Variants in PARP6 observed in about 807,000 individuals in gnomAD.
PARP6 encodes the protein poly(ADP-ribose) polymerase family member 6.
PARP6 carries 27 observed loss-of-function variants against 92.0 expected under a neutral mutation model. That is an observed-to-expected ratio of 0.29 (90% CI 0.22 to 0.40). The LOEUF is 0.40. Ranked by LOEUF, PARP6 falls within the 10% of genes least tolerant of loss-of-function variation. The pLI, the probability that PARP6 is intolerant of heterozygous loss-of-function variation, is 1.00. For synonymous variants in PARP6, 272 were observed against 281.2 expected, an observed-to-expected ratio of 0.97 and a Z score of 0.33; for missense variants, 501 against 784.5, an observed-to-expected ratio of 0.64 and a Z score of 4.32.
At chr15:72,244,532 T>G (rs2083390367) in intron 20 of PARP6, 2 of 152,222 alleles carry the variant, frequency 1.3e-5, no homozygotes, top group Non-Finnish European at 2.9e-5. Context: ...GCCAAGTCAC[T>G]GGAACTAGAT....
rs2084188883 is a variant in PARP6, at chr15:72,250,375, GA to G, written c.1419-284del. ...AGTATTTTTATTTGCCCATTATCCT[GA>G]CATTTCAAATTCAATAAATTCATCT... On this transcript the variant is annotated intron_variant, in intron 18 of 23. Transcript: ENST00000569795. 4.2e-5 allele frequency: 16 copies of G among 377,070 alleles called. No individual in the cohort carries two copies. The South Asian group carries it at 5.8e-4, about 14-fold the overall frequency. 23.4% of individuals were successfully genotyped at this position (377,070 alleles called of 1,614,324 possible). A position where few individuals can be genotyped will look rare whatever the true frequency, so the allele number is the denominator to read the frequency against.
At position 72,250,137 on chromosome 15, in the gene PARP6, C is replaced by T. The variant is rs201200607; in HGVS notation, c.1419-45G>A. On this transcript the variant is annotated intron_variant, in intron 18 of 23. Coordinates refer to ENST00000569795, the MANE Select transcript of PARP6 (RefSeq NM_001323532.2). ...ACATGTCTCCTTATGATATGAGGTT[C>T]CCAGGAACACTCCCAAGACTGCCAT... The T allele has an allele frequency of 1.8e-4, 218 of 1,224,510 alleles. No homozygotes were observed. The African/African-American group carries it at 3.0e-3, about 17-fold the overall frequency. 75.9% of individuals were successfully genotyped at this position (1,224,510 alleles called of 1,614,324 possible).
rs2083101725 is a variant in PARP6, at chr15:72,241,923, C to T, written c.1768G>A (p.Val590Ile). The change falls in exon 23 of 24, where the codon GTC (valine) becomes ATC (isoleucine). Residue 590 changes from valine (V) to isoleucine (I), a missense_variant. By Grantham distance (29) the Val-to-Ile change is conservative. Around this residue, in one of 4 missense-constraint regions of PARP6, gnomAD observed 191 missense variants for 399.1 expected, o/e 0.48. Coordinates refer to ENST00000569795, the MANE Select transcript of PARP6 (RefSeq NM_001323532.2). This position sits in a 1 kb window ranked among gnomAD's most constrained non-coding sequence, Gnocchi z 4.1. The stretch of plus-strand genomic sequence containing the variant: ...TACACAAAGAAGAATCTTGTGCAGA[C>T]ATGGTCGGACACAGGGCACACCCAG... ...NIWVCPVSDH[V>I]CTRFFFVYED... 6.2e-7 allele frequency: 1 copy of T among 1,613,446 alleles called. No individual in the cohort carries two copies. The highest frequency in any genetic ancestry group is 2.2e-5 in the East Asian group (1 of 44,880).
intron 14 of PARP6, 135 bp downstream of exon 14, chr15:72,256,330 G>A (rs1479426179): frequency 1.6e-6 from 1 of 635,498 alleles, no homozygotes; most frequent in African/African-American, 1.9e-5. Flanking sequence ...TTTATTTACT[G>A]AAACAGCTAA....
At chr15:72,252,220 T>C (rs1239044959) in intron 16 of PARP6, among the ~76,000 whole-genome samples, 2 of 152,250 alleles carry the variant, frequency 1.3e-5, no homozygotes, top group East Asian at 3.9e-4. Flanking sequence ...GGCAAGGGGA[T>C]AGCAGGAGGA....
Position 72,257,336 on chromosome 15 carries a change from C to G in PARP6, c.999+12G>C. Reference sequence around the variant, plus strand: ...GATCCCAATTCCCCAGCCACGTTTCCCTCCCCCATACCTCTGCTCCAGTGG... The same window carrying G: ...GATCCCAATTCCCCAGCCACGTTTCGCTCCCCCATACCTCTGCTCCAGTGG... On this transcript the variant is annotated intron_variant, in intron 13 of 23. Transcript: ENST00000569795. 6.3e-7 allele frequency: 1 copy of G among 1,596,896 alleles called. No individual in the cohort carries two copies. The highest frequency in any genetic ancestry group is 8.6e-7 in the Non-Finnish European group (1 of 1,164,394).
chr15:72,254,709 CAG>C (rs781652957), intron 14 of PARP6, among the ~76,000 whole-genome samples, 189 bp from the exon 15 acceptor site: 6 of 152,316 alleles, frequency 3.9e-5, no homozygotes, highest in Non-Finnish European at 5.9e-5. Context: ...CTGGGAGTAA[CAG>C]GGTAAGTTAT....
intron 20 of PARP6, among the ~76,000 whole-genome samples, chr15:72,248,930 A>C (rs1280595422): frequency 6.6e-6 from 1 of 152,246 alleles, no homozygotes; most frequent in Non-Finnish European, 1.5e-5. Context: ...ACACAAACAC[A>C]ATCTATAATT....
Position 72,242,939 on chromosome 15 carries a change from A to G in PARP6, c.1562-240T>C. The G allele has an allele frequency of 2.1e-6, 1 of 481,658 alleles. No homozygotes were observed. Among genetic ancestry groups the G allele is most frequent in the Non-Finnish European group, 3.7e-6 (1 of 273,748 alleles). The allele number at this position is 481,658 out of a possible 1,614,324, so 29.8% of individuals were successfully genotyped here. ...GGTGTGAGCCTAGAGGAGGGCAACTAGCCTAGCCTAAGAGTTTAAAGAAGT... is the reference window on the plus strand; with the variant it reads ...GGTGTGAGCCTAGAGGAGGGCAACTGGCCTAGCCTAAGAGTTTAAAGAAGT... On this transcript the variant is annotated intron_variant, in intron 20 of 23. Transcript: ENST00000569795. This position sits in a 1 kb window ranked among gnomAD's most constrained non-coding sequence, Gnocchi z 4.3.
intron 3 of PARP6, 117 bp downstream of exon 3, chr15:72,267,358 T>C: frequency 8.9e-7 from 1 of 1,121,148 alleles, no homozygotes; most frequent in South Asian, 1.3e-5. Context: ...TAACTTCAAA[T>C]AGCCACTCTA....
chr15:72,247,513 A>G (rs2083768723), intron 20 of PARP6, among the ~76,000 whole-genome samples: 1 of 152,138 alleles, frequency 6.6e-6, no homozygotes, highest in Non-Finnish European at 1.5e-5. Context: ...TCAATCTTTT[A>G]TGATTTGTAA....
chr15:72,241,903 A>G lies in PARP6; in HGVS notation c.1788T>C (p.Phe596=). 1 of 1,610,792 alleles carries G rather than the reference A, an allele frequency of 6.2e-7. No homozygotes were observed. The highest frequency in any genetic ancestry group is 1.3e-5 in the African/African-American group (1 of 74,970). Residue 596 remains phenylalanine, a splice_region_variant and synonymous_variant, in exon 23 of 24, where the codon TTT becomes TTC. Transcript: ENST00000569795. This position sits in a 1 kb window ranked among gnomAD's most constrained non-coding sequence, Gnocchi z 4.1. ...CCCAGAGTCCCTCCGACACTTACAC[A>G]AAGAAGAATCTTGTGCAGACATGGT... ...VSDHVCTRFF[F]VYEDGQVGDA...
In PARP6 at chr15:72,260,805, A is replaced by C. The variant is rs903233996; in HGVS notation, c.546-117T>G. On this transcript the variant is annotated intron_variant, in intron 9 of 23. Coordinates refer to ENST00000569795, the MANE Select transcript of PARP6 (RefSeq NM_001323532.2). Reference sequence around the variant, plus strand: ...TTCTAAACTAAAGAAAGACAAACTCATATCTGAGGAAAGTTGCATTGTATC... The same window carrying C: ...TTCTAAACTAAAGAAAGACAAACTCCTATCTGAGGAAAGTTGCATTGTATC... 16 of 743,976 alleles carry C rather than the reference A, an allele frequency of 2.2e-5. 1 individual carries two copies. The highest frequency in any genetic ancestry group is 1.1e-4 in the South Asian group (7 of 64,240). The allele number at this position is 743,976 out of a possible 1,614,324, so 46.1% of individuals were successfully genotyped here.
chr15:72,253,335 G>T, intron 16 of PARP6, 102 bp downstream of exon 16: 1 of 886,796 alleles, frequency 1.1e-6, no homozygotes, highest in Non-Finnish European at 1.9e-6. Flanking sequence ...CTATAACCTT[G>T]GGAAGGATGT....
chr15:72,265,114 G>A lies in PARP6; in HGVS notation c.295C>T (p.Arg99Ter). Reference sequence around the variant, plus strand: ...TCTAGGTACTGGGAGAGAGAAAATCGCAGCCTCAACACAATAGGTTCTGTC... The same window carrying A: ...TCTAGGTACTGGGAGAGAGAAAATCACAGCCTCAACACAATAGGTTCTGTC... Reference protein sequence around the residue: ...LRTEPIVLRLRFSLSQYLDGP... With the variant: ...LRTEPIVLRL The change falls in exon 7 of 24, where the codon CGA (arginine) becomes TGA (stop). Residue 99 changes from arginine (R) to a stop codon, truncating the protein, a stop_gained. Transcript: ENST00000569795. LOFTEE classifies it high-confidence loss of function. 6.2e-7 allele frequency: 1 copy of A among 1,613,570 alleles called. No individual in the cohort carries two copies. Among genetic ancestry groups the A allele is most frequent in the Non-Finnish European group, 8.5e-7 (1 of 1,179,586 alleles).
At chr15:72,265,634 G>C (rs942539250) in intron 5 of PARP6, among the ~76,000 whole-genome samples, 161 bp from the exon 6 acceptor site, 1 of 152,206 alleles carries the variant, frequency 6.6e-6, no homozygotes, top group African/African-American at 2.4e-5. Flanking sequence ...CCACTTACCT[G>C]ATCAGGATCT....
intron 20 of PARP6, chr15:72,245,152 G>C (rs2083452950): frequency 6.6e-6 from 1 of 152,306 alleles, no homozygotes; most frequent in Non-Finnish European, 1.5e-5. Flanking sequence ...CACGAGGTCA[G>C]GAGATCGAGA....
At chr15:72,254,035 A>T (rs1252575264) in intron 15 of PARP6, 1 of 462,944 alleles carries the variant, frequency 2.2e-6, no homozygotes, top group Admixed American at 2.3e-5. Flanking sequence ...GCCTTGAGTC[A>T]AAGGATGGTC....
chr15:72,259,282 A>G (rs1381889673), intron 11 of PARP6, among the ~76,000 whole-genome samples: 2 of 152,232 alleles, frequency 1.3e-5, no homozygotes, highest in Non-Finnish European at 2.9e-5. Flanking sequence ...GAAGAATACT[A>G]AAGATCATTT....
Sources: allele counts gnomAD v4.1 joint callset (sites outside exome capture counted in the v4.1 genomes callset), GRCh38; gene constraint gnomAD v4.1.1; regional missense constraint gnomAD v4.1.1; non-coding constraint Gnocchi (gnomAD v3.1); transcripts MANE v1.5; gene names NCBI Gene and HGNC (gene_info 2026-07-23, HGNC 2026-07-21).